CDYL2: variants seen among roughly 807,000 people sequenced by gnomAD.
The protein encoded by CDYL2 is chromodomain Y-like protein 2.
In CDYL2, 23 loss-of-function variants were observed where a neutral mutation model predicts 49.4. That is an observed-to-expected ratio of 0.47 (90% CI 0.34 to 0.66). CDYL2 has a LOEUF of 0.66. Ranked by LOEUF, CDYL2 falls within the 30% of genes least tolerant of loss-of-function variation. The pLI, the probability that CDYL2 is intolerant of heterozygous loss-of-function variation, is 0.01. For synonymous variants in CDYL2, 360 were observed against 268.8 expected (o/e 1.34, Z -3.32); for missense variants, 678 against 656.4 (o/e 1.03, Z -0.36).
At chr16:80,698,230 A>G (rs1904283979) in intron 1 of CDYL2, among the ~76,000 whole-genome samples, 1 of 152,216 alleles carries the variant, frequency 6.6e-6, no homozygotes, top group Admixed American at 6.5e-5. Context: ...TCGAAAGCAC[A>G]GGCAACAAAA....
intron 1 of CDYL2, among the ~76,000 whole-genome samples, chr16:80,738,211 G>T (rs80139705): frequency 3.3e-5 from 5 of 152,056 alleles, no homozygotes; most frequent in Non-Finnish European, 7.4e-5. Context: ...CTTTTTTATG[G>T]CTGCATAGTA....
chr16:80,648,585 C>T (rs1302871919), intron 2 of CDYL2, among the ~76,000 whole-genome samples: 1 of 151,848 alleles, frequency 6.6e-6, no homozygotes, highest in African/African-American at 2.4e-5. Context: ...AGAACTAATA[C>T]CAATCCTACT....
At chr16:80,732,687 T>C (rs941549728) in intron 1 of CDYL2, among the ~76,000 whole-genome samples, 15 of 152,230 alleles carry the variant, frequency 9.9e-5, no homozygotes, top group African/African-American at 3.6e-4. Context: ...TAGATTAATG[T>C]ATGAAAACAT....
In CDYL2 at chr16:80,609,003, C is replaced by T. The variant is rs746726559; in HGVS notation, c.1219-768G>A. Among the ~76,000 whole-genome samples the T allele has an allele frequency of 3.3e-5, 5 of 152,146 alleles. 1 individual carries two copies. In the East Asian group the frequency reaches 7.7e-4, roughly 24 times the overall value. On this transcript the variant is annotated intron_variant, in intron 5 of 6. Transcript: ENST00000570137. ...TAACACCACAATACCAAGGCAGAGA[C>T]GTGCATCTCTCCAAGCAGCTCAGGG...
At chr16:80,607,368 G>A (rs1225176938) in intron 6 of CDYL2, among the ~76,000 whole-genome samples, 5 of 152,168 alleles carry the variant, frequency 3.3e-5, no homozygotes, top group Admixed American at 1.3e-4. Flanking sequence ...GACAAGGAAG[G>A]GAGGGGCAAG....
chr16:80,620,190 C>G (rs1485015743), intron 4 of CDYL2, among the ~76,000 whole-genome samples: 2 of 152,216 alleles, frequency 1.3e-5, no homozygotes, highest in Non-Finnish European at 2.9e-5. Context: ...TTCAGTGTCC[C>G]AAAAGGGTAC....
In CDYL2 at chr16:80,598,572, T is replaced by A. The variant is rs1905939867; in HGVS notation, c.*5816A>T. ...AGGATCCTACTGTTCAGTATAGACA[T>A]GTCTGAAAAATTCTTACCCTGGAGG... On this transcript the variant is annotated 3_prime_UTR_variant, in exon 7 of 7. Transcript: ENST00000570137. 1.3e-5 allele frequency: 2 copies of A among 152,158 alleles called. No homozygotes were observed. The highest frequency in any genetic ancestry group is 2.4e-5 in the African/African-American group (1 of 41,426). 9.4% of individuals were successfully genotyped at this position (152,158 alleles called of 1,614,324 possible). A position where few individuals can be genotyped will look rare whatever the true frequency, so the allele number is the denominator to read the frequency against.
intron 2 of CDYL2, among the ~76,000 whole-genome samples, chr16:80,658,574 T>C (rs1405713595): frequency 2.0e-5 from 3 of 152,200 alleles, no homozygotes; most frequent in Non-Finnish European, 4.4e-5. Flanking sequence ...ATTCTCTCTG[T>C]GGAAGAAGAC....
At chr16:80,656,867 G>GC (rs1307034384) in intron 2 of CDYL2, among the ~76,000 whole-genome samples, 2 of 152,158 alleles carry the variant, frequency 1.3e-5, no homozygotes, top group Non-Finnish European at 2.9e-5. Flanking sequence ...AGTCTTCCCT[G>GC]CAAGATGGGA....
intron 1 of CDYL2, among the ~76,000 whole-genome samples, chr16:80,732,824 G>T (rs926808261): frequency 5.3e-5 from 8 of 152,114 alleles, no homozygotes; most frequent in African/African-American, 1.7e-4. Context: ...CTCTCTTAAG[G>T]TCTGCACATT....
intron 1 of CDYL2, among the ~76,000 whole-genome samples, chr16:80,727,221 C>A (rs1279088209): frequency 6.6e-6 from 1 of 152,218 alleles, no homozygotes; most frequent in African/African-American, 2.4e-5. Context: ...AGACAGTGGG[C>A]ACAGGTCACT....
intron 1 of CDYL2, among the ~76,000 whole-genome samples, chr16:80,788,203 C>T (rs1164200654): frequency 6.6e-6 from 1 of 152,206 alleles, no homozygotes; most frequent in Non-Finnish European, 1.5e-5. Flanking sequence ...AGTCTTCTCA[C>T]TGCTAAAGTT....
intron 1 of CDYL2, among the ~76,000 whole-genome samples, chr16:80,772,845 G>T (rs183911234): frequency 6.6e-6 from 1 of 152,246 alleles, no homozygotes; most frequent in African/African-American, 2.4e-5. Flanking sequence ...CAGAAAAAAT[G>T]GAATAATGTT....
chr16:80,679,698 G>A (rs764074686), intron 2 of CDYL2: 80 of 455,966 alleles, frequency 1.8e-4, no homozygotes, highest in South Asian at 9.3e-5. Flanking sequence ...AACTCCAGGT[G>A]CAGAGCACAA....
rs199996059 is a variant in CDYL2 at position 80,606,789 on chromosome 16, G to C, written c.1362+1303C>G. ...TTTCCCCCACACTGTTCTCCTGGTA[G>C]TGAAGAAGTCTCAAGAGATCTGATG... On this transcript the variant is annotated intron_variant, in intron 6 of 6. Coordinates refer to ENST00000570137, the MANE Select transcript of CDYL2 (RefSeq NM_152342.4). Among the ~76,000 whole-genome samples the C allele has an allele frequency of 2.6e-4, 39 of 152,320 alleles. No homozygotes were observed. In the East Asian group the frequency reaches 7.2e-3, roughly 28 times the overall value.
chr16:80,701,189 T>C (rs1367928717), intron 1 of CDYL2, among the ~76,000 whole-genome samples: 10 of 152,218 alleles, frequency 6.6e-5, no homozygotes, highest in Admixed American at 6.5e-4. Flanking sequence ...AACCTCTACA[T>C]AGATCAAGAC....
At chr16:80,655,281 C>G (rs1908756467) in intron 2 of CDYL2, among the ~76,000 whole-genome samples, 1 of 152,202 alleles carries the variant, frequency 6.6e-6, no homozygotes, top group Non-Finnish European at 1.5e-5. Flanking sequence ...AGCCAGCCAT[C>G]TCCTCATTTT....
At position 80,684,984 on chromosome 16, in the gene CDYL2, C is replaced by A. The variant is rs148308758; in HGVS notation, c.170G>T (p.Gly57Val). 7,307 of 1,614,156 alleles carry A rather than the reference C, an allele frequency of 4.5e-3. 40 individuals are homozygous for A. The highest frequency in any genetic ancestry group is 0.016 in the Middle Eastern group (96 of 6,062). The stretch of plus-strand genomic sequence containing the variant: ...CCTCTTGTCCTTGGACATGTGCAAC[C>A]CATTGAATTCATCAATAAACTCCTC... ...HCEEFIDEFN[G>V]LHMSKDKRIK... The change falls in exon 2 of 7, where the codon GGG becomes GTG. Residue 57 changes from glycine (G) to valine (V), a missense_variant. Physicochemically the swap from Gly to Val is moderately radical, Grantham distance 109 (BLOSUM62 -3). Coordinates refer to ENST00000570137, the MANE Select transcript of CDYL2 (RefSeq NM_152342.4).
chr16:80,688,573 A>G (rs984904664), intron 1 of CDYL2, among the ~76,000 whole-genome samples: 1 of 152,216 alleles, frequency 6.6e-6, no homozygotes, highest in African/African-American at 2.4e-5. Context: ...AGGTTTTTGC[A>G]GGTTCAGAAA....
Sources: allele counts gnomAD v4.1 joint callset (sites outside exome capture counted in the v4.1 genomes callset), GRCh38; gene constraint gnomAD v4.1.1; transcripts MANE v1.5; gene names NCBI Gene and HGNC (gene_info 2026-07-23, HGNC 2026-07-21).